The following MYRIP variants were observed in gnomAD, a reference collection of about 807,000 sequenced individuals.
MYRIP encodes myosin VIIA and Rab interacting protein.
Under a neutral mutation model 98.0 loss-of-function variants are expected in MYRIP, and 49 were observed. The observed-to-expected ratio is 0.50, with a 90% confidence interval of 0.40 to 0.63. MYRIP has a LOEUF of 0.63. Among genes scored for constraint, MYRIP ranks in the 30% least tolerant of loss-of-function variants. MYRIP has a pLI of 0.00. For missense variants in MYRIP, 1,004 were observed against 1,058.2 expected (o/e 0.95, Z 0.71); for synonymous variants, 404 against 409.5 (o/e 0.99, Z 0.16).
chr3:39,829,741 T>C (rs1444558682), intron 1 of MYRIP, among the ~76,000 whole-genome samples: 2 of 152,154 alleles, frequency 1.3e-5, no homozygotes, highest in African/African-American at 4.8e-5. Flanking sequence ...TAGCATAGTG[T>C]AAGCACAACT....
chr3:40,098,528 C>T (rs576236014), intron 3 of MYRIP, among the ~76,000 whole-genome samples: 45 of 152,202 alleles, frequency 3.0e-4, no homozygotes, highest in Non-Finnish European at 5.4e-4. Context: ...CAGTGTTGCA[C>T]TGTAAGCAAA....
intron 2 of MYRIP, among the ~76,000 whole-genome samples, chr3:39,909,609 G>C (rs1943967446): frequency 6.6e-6 from 1 of 152,162 alleles, no homozygotes; most frequent in South Asian, 2.1e-4. Flanking sequence ...TCCTGAAGGA[G>C]AGGTGTGTTT....
At chr3:40,026,448 C>G (rs1947131773) in intron 2 of MYRIP, among the ~76,000 whole-genome samples, 1 of 152,130 alleles carries the variant, frequency 6.6e-6, no homozygotes, top group Admixed American at 6.5e-5. Flanking sequence ...GTACACTTAA[C>G]CCAATCATCA....
At chr3:39,886,842 A>G (rs1273813978) in intron 1 of MYRIP, among the ~76,000 whole-genome samples, 2 of 152,110 alleles carry the variant, frequency 1.3e-5, no homozygotes, top group Non-Finnish European at 2.9e-5. Context: ...AGCGCACCTA[A>G]TAGACATCTA....
intron 10 of MYRIP, among the ~76,000 whole-genome samples, chr3:40,205,966 T>C (rs1951781794): frequency 6.6e-6 from 1 of 152,154 alleles, no homozygotes; most frequent in Non-Finnish European, 1.5e-5. Context: ...GTTGTCTTAC[T>C]AGGAAGTAGA....
intron 3 of MYRIP, among the ~76,000 whole-genome samples, chr3:40,053,769 C>A (rs1301787535): frequency 1.3e-5 from 2 of 152,164 alleles, no homozygotes; most frequent in Non-Finnish European, 2.9e-5. Flanking sequence ...CCAGGCCCTG[C>A]ACCCTAGTTT....
At chr3:39,958,386 C>A (rs1575413883) in intron 2 of MYRIP, among the ~76,000 whole-genome samples, 1 of 152,250 alleles carries the variant, frequency 6.6e-6, no homozygotes, top group South Asian at 2.1e-4. Context: ...AAAGCTACAA[C>A]CAACTGATCT....
chr3:40,075,469 C>T (rs951066724), intron 3 of MYRIP, among the ~76,000 whole-genome samples: 16 of 152,204 alleles, frequency 1.1e-4, no homozygotes, highest in African/African-American at 3.6e-4. Context: ...GCCAAACCTC[C>T]TGGGTGCAAA....
intron 3 of MYRIP, among the ~76,000 whole-genome samples, chr3:40,143,736 T>A (rs572626994): frequency 6.6e-6 from 1 of 152,360 alleles, no homozygotes; most frequent in Non-Finnish European, 1.5e-5. Flanking sequence ...TATGGAATAA[T>A]TAAATCAAGC....
At chr3:40,204,957 T>C (rs1288927842) in intron 10 of MYRIP, among the ~76,000 whole-genome samples, 1 of 152,144 alleles carries the variant, frequency 6.6e-6, no homozygotes, top group African/African-American at 2.4e-5. Context: ...CTCTCACACA[T>C]GTCAGCTACC....
rs553893924 is a variant in MYRIP, at chr3:39,996,722, G to T, written c.111-47328G>T. Among the ~76,000 whole-genome samples the T allele has an allele frequency of 1.5e-3, 227 of 152,228 alleles. 1 individual carries two copies. Among genetic ancestry groups the T allele is most frequent in the African/African-American group, 5.3e-3 (221 of 41,526 alleles). On this transcript the variant is annotated intron_variant, in intron 2 of 16. Transcript: ENST00000302541. ...CAGAACTCTCCACCTCAAATCAATA[G>T]AATATACATTCTTTACAGCACCACA...
chr3:40,036,445 A>T (rs145618591), intron 2 of MYRIP, among the ~76,000 whole-genome samples: 134 of 152,164 alleles, frequency 8.8e-4, no homozygotes, highest in Middle Eastern at 3.4e-3. Flanking sequence ...AGAAGAAGTG[A>T]AGCAATAAAG....
chr3:40,250,490 C>A lies in MYRIP; in HGVS notation c.2419C>A (p.Pro807Thr). 1 of 1,614,180 alleles carries A rather than the reference C, an allele frequency of 6.2e-7. No individual in the cohort carries two copies. The highest frequency in any genetic ancestry group is 8.5e-7 in the Non-Finnish European group (1 of 1,180,014). The change falls in exon 15 of 17, where the codon CCG becomes ACG. Residue 807 changes from proline (P) to threonine (T), a missense_variant. By Grantham distance (38) the Pro-to-Thr change is conservative. Transcript: ENST00000302541. ...GCAAAGGAGGAAACTGCCTGCTCCA[C>A]CGGTGAAAGGTATGCTAAATTAAAA... ...RQQRRKLPAP[P>T]VKAEKIETSS...
At chr3:39,942,855 A>C (rs1391715855) in intron 2 of MYRIP, among the ~76,000 whole-genome samples, 1 of 152,024 alleles carries the variant, frequency 6.6e-6, no homozygotes, top group Non-Finnish European at 1.5e-5. Flanking sequence ...TCTATTCTCT[A>C]TCTTTATGAA....
intron 8 of MYRIP, among the ~76,000 whole-genome samples, chr3:40,172,955 C>T (rs765940045): frequency 1.3e-5 from 2 of 152,190 alleles, no homozygotes; most frequent in Non-Finnish European, 2.9e-5. Flanking sequence ...CCTCACCCCC[C>T]AGAAACAGAC....
At chr3:40,250,630 T>C in intron 15 of MYRIP, 131 bp downstream of exon 15, 1 of 1,084,640 alleles carries the variant, frequency 9.2e-7, no homozygotes, top group Non-Finnish European at 1.3e-6. Context: ...CTTGTCTATC[T>C]TGATTTGGGT....
chr3:40,082,752 G>A (rs1948506031), intron 3 of MYRIP, among the ~76,000 whole-genome samples: 1 of 152,090 alleles, frequency 6.6e-6, no homozygotes, highest in Non-Finnish European at 1.5e-5. Context: ...CCTTTAAATG[G>A]GCCTCCTAAT....
At chr3:40,159,362 C>A (rs1022734899) in intron 4 of MYRIP, among the ~76,000 whole-genome samples, 1 of 152,178 alleles carries the variant, frequency 6.6e-6, no homozygotes, top group Admixed American at 6.5e-5. Flanking sequence ...GCAAAGAGAT[C>A]CGCTGTTAGT....
intron 3 of MYRIP, among the ~76,000 whole-genome samples, chr3:40,047,659 C>T (rs1947699202): frequency 6.6e-6 from 1 of 152,096 alleles, no homozygotes; most frequent in African/African-American, 2.4e-5. Context: ...CTGTATTGCT[C>T]AATTCAATCA....
Sources: allele counts gnomAD v4.1 joint callset (sites outside exome capture counted in the v4.1 genomes callset), GRCh38; gene constraint gnomAD v4.1.1; transcripts MANE v1.5; gene names NCBI Gene and HGNC (gene_info 2026-07-23, HGNC 2026-07-21).